Variants in JAKMIP1 observed in about 807,000 individuals in gnomAD.
JAKMIP1 encodes the protein janus kinase and microtubule-interacting protein 1.
JAKMIP1 carries 33 observed loss-of-function variants against 113.0 expected under a neutral mutation model. That is an observed-to-expected ratio of 0.29 (90% CI 0.22 to 0.39). The LOEUF is 0.39. Among genes scored for constraint, JAKMIP1 ranks in the 10% least tolerant of loss-of-function variants. The pLI is 1.00. For synonymous variants in JAKMIP1, 480 were observed against 459.9 expected, an observed-to-expected ratio of 1.04 and a Z score of -0.56; for missense variants, 813 against 1,080.5, an observed-to-expected ratio of 0.75 and a Z score of 3.47.
intron 2 of JAKMIP1, among the ~76,000 whole-genome samples, chr4:6,109,197 A>G (rs979298858): frequency 1.5e-5 from 2 of 135,182 alleles, no homozygotes; most frequent in African/African-American, 5.8e-5. Context: ...CAGTGGCACG[A>G]TCTTGGCTCA....
chr4:6,090,826 A>C (rs906974432), intron 3 of JAKMIP1, among the ~76,000 whole-genome samples: 1 of 151,572 alleles, frequency 6.6e-6, no homozygotes, highest in African/African-American at 2.4e-5. Context: ...AACCACCTTA[A>C]ACTAGAACAT....
At chr4:6,084,191 C>G (rs1398941138) in intron 5 of JAKMIP1, among the ~76,000 whole-genome samples, 1 of 151,950 alleles carries the variant, frequency 6.6e-6, no homozygotes, top group African/African-American at 2.4e-5. Flanking sequence ...GTGGCACATG[C>G]CTGTAATCCC....
Position 6,059,457 on chromosome 4 carries a change from C to G in JAKMIP1, c.1644+967G>C, listed in dbSNP as rs1371926624. 6.6e-6 allele frequency among the ~76,000 whole-genome samples: 1 copy of G among 152,180 alleles called. No individual in the cohort carries two copies. Among genetic ancestry groups the G allele is most frequent in the East Asian group, 1.9e-4 (1 of 5,182 alleles). On this transcript the variant is annotated intron_variant, in intron 11 of 20. Transcript: ENST00000409021. This position sits in a 1 kb window ranked among gnomAD's most constrained non-coding sequence, Gnocchi z 4.8. ...CTCCTCCCACTGTATCCCACCAGGCCTAGGAACTGTGGTAGACCTTGCCTG... is the reference window on the plus strand; with the variant it reads ...CTCCTCCCACTGTATCCCACCAGGCGTAGGAACTGTGGTAGACCTTGCCTG...
At chr4:6,058,604 G>T (rs892428023) in intron 11 of JAKMIP1, among the ~76,000 whole-genome samples, 1 of 152,174 alleles carries the variant, frequency 6.6e-6, no homozygotes, top group African/African-American at 2.4e-5. Flanking sequence ...AGACTGGGAG[G>T]TCCAGTTCCA....
chr4:6,189,704 G>A (rs568732812), intron 1 of JAKMIP1, among the ~76,000 whole-genome samples: 1 of 152,322 alleles, frequency 6.6e-6, no homozygotes, highest in East Asian at 1.9e-4. Flanking sequence ...TAGGGCAGAG[G>A]GTGGCGTAGG....
At chr4:6,082,124 A>G (rs1022268542) in intron 5 of JAKMIP1, among the ~76,000 whole-genome samples, 12 of 152,118 alleles carry the variant, frequency 7.9e-5, no homozygotes, top group African/African-American at 9.7e-5. Flanking sequence ...CGCATTTTAT[A>G]GACAAAGAAC....
intron 1 of JAKMIP1, 105 bp from the exon 2 acceptor site, chr4:6,113,102 C>T (rs2108891009): frequency 1.9e-6 from 1 of 517,922 alleles, no homozygotes; most frequent in Non-Finnish European, 3.4e-6. Flanking sequence ...TGGAGCATGA[C>T]CTGCCACTCC....
At chr4:6,029,692 A>T (rs1230042638) in intron 20 of JAKMIP1, 24 bp downstream of exon 20, 1 of 1,526,796 alleles carries the variant, frequency 6.5e-7, no homozygotes, top group African/African-American at 1.4e-5. Flanking sequence ...AAACCTGGGG[A>T]CAGTCTGAGC....
At chr4:6,177,081 T>C (rs1013543627) in intron 1 of JAKMIP1, among the ~76,000 whole-genome samples, 6 of 152,182 alleles carry the variant, frequency 3.9e-5, no homozygotes, top group African/African-American at 1.4e-4. Context: ...CTTGTTGTCA[T>C]GAGCAGTGAC....
At chr4:6,170,089 C>T (rs200606135) in intron 1 of JAKMIP1, among the ~76,000 whole-genome samples, 84 of 1,490 alleles carry the variant, frequency 0.056, 1 homozygote, top group East Asian at 0.37. Context: ...CCACCACCAC[C>T]GCCACGATCC....
At chr4:6,054,873 G>A in intron 12 of JAKMIP1, 2 of 456,630 alleles carry the variant, frequency 4.4e-6, no homozygotes, top group South Asian at 1.5e-5. Flanking sequence ...GCTAGAGGGG[G>A]GCCCTCTGCC....
chr4:6,063,848 G>T (rs749163553), intron 9 of JAKMIP1, among the ~76,000 whole-genome samples: 2 of 152,260 alleles, frequency 1.3e-5, no homozygotes, highest in Non-Finnish European at 2.9e-5. Context: ...GGGATGTGGG[G>T]GCGCAAGGAG....
At chr4:6,041,699 G>T (rs1714333999) in intron 17 of JAKMIP1, among the ~76,000 whole-genome samples, 1 of 152,212 alleles carries the variant, frequency 6.6e-6, no homozygotes, top group South Asian at 2.1e-4. Flanking sequence ...ATTCATCAAT[G>T]AGAAAACTAA....
At position 6,116,217 on chromosome 4, in the gene JAKMIP1, G is replaced by A. The variant is rs1578279544; in HGVS notation, c.-147-3220C>T. ...ACTGTTGATAGTCCCGACGCTCACA[G>A]CACCACACAGCATCACTGTAATCAG... On this transcript the variant is annotated intron_variant, in intron 1 of 20. Coordinates refer to ENST00000409021, the MANE Select transcript of JAKMIP1 (RefSeq NM_001099433.2). The surrounding 1 kb of genome is among the most constrained non-coding windows in gnomAD (Gnocchi z 5.1). 6.6e-6 allele frequency among the ~76,000 whole-genome samples: 1 copy of A among 152,228 alleles called. No individual in the cohort carries two copies. Among genetic ancestry groups the A allele is most frequent in the East Asian group, 1.9e-4 (1 of 5,164 alleles).
rs1712632927 is a variant in JAKMIP1 at position 6,031,396 on chromosome 4, G to A, written c.2380-1615C>T. Among the ~76,000 whole-genome samples, 1 of 152,190 alleles carries A rather than the reference G, an allele frequency of 6.6e-6. No homozygotes were observed. The highest frequency in any genetic ancestry group is 6.5e-5 in the Admixed American group (1 of 15,274). On this transcript the variant is annotated intron_variant, in intron 19 of 20. Coordinates refer to ENST00000409021, the MANE Select transcript of JAKMIP1 (RefSeq NM_001099433.2). This position sits in a 1 kb window ranked among gnomAD's most constrained non-coding sequence, Gnocchi z 4.4. ...CGCGCCATTGCACTCCAGCCTGGGT[G>A]ACACAGAGAGACTCCATCTCAATAA...
chr4:6,036,201 G>A (rs940480331), intron 18 of JAKMIP1, 94 bp from the exon 19 acceptor site: 4 of 1,008,624 alleles, frequency 4.0e-6, no homozygotes, highest in Admixed American at 5.0e-5. Context: ...GAGCCAGGGA[G>A]GGGGGTTTCG....
intron 2 of JAKMIP1, among the ~76,000 whole-genome samples, chr4:6,107,529 A>G (rs1182095367): frequency 6.6e-6 from 1 of 152,164 alleles, no homozygotes; most frequent in Admixed American, 6.5e-5. Context: ...GCCTTCCACA[A>G]TGTAGGTGGG....
At position 6,069,993 on chromosome 4, in the gene JAKMIP1, G is replaced by A. The variant is rs760618028; in HGVS notation, c.1303-4985C>T. The A allele has an allele frequency of 2.3e-4, 92 of 398,002 alleles. No homozygotes were observed. Among genetic ancestry groups the A allele is most frequent in the South Asian group, 6.4e-4 (5 of 7,766 alleles). The allele number at this position is 398,002 out of a possible 1,614,324, so 24.7% of individuals were successfully genotyped here. On this transcript the variant is annotated intron_variant, in intron 8 of 20. Transcript: ENST00000409021. The surrounding 1 kb of genome is among the most constrained non-coding windows in gnomAD (Gnocchi z 4.5). ...GCCACCTGTCACAGGCAGGAGCATC[G>A]GTCGGCCACAGCCAGGGACCGCCAG...
Position 6,081,725 on chromosome 4 carries a change from G to C in JAKMIP1, c.985C>G (p.Leu329Val), listed in dbSNP as rs200686241. Reference protein sequence around the residue: ...LKRSRETEVQLKPLVEKNKRM... With the variant: ...LKRSRETEVQVKPLVEKNKRM... The stretch of plus-strand genomic sequence containing the variant: ...TTGTTCTTCTCCACCAGGGGCTTCA[G>C]CTGAACCTCGGTCTCTCGTGAGCGT... Residue 329 changes from leucine to valine, a missense_variant, in exon 6 of 21, where the codon CTG (leucine) becomes GTG (valine). Leu to Val is a conservative substitution (Grantham distance 32). This residue lies in a region of JAKMIP1 where 540 missense variants were observed against 653.9 expected (regional missense o/e 0.83). Transcript: ENST00000409021. This position sits in a 1 kb window ranked among gnomAD's most constrained non-coding sequence, Gnocchi z 4.6. 8 of 1,614,070 alleles carry C rather than the reference G, an allele frequency of 5.0e-6. No homozygotes were observed. The highest frequency in any genetic ancestry group is 1.3e-5 in the African/African-American group (1 of 74,922).
Sources: allele counts gnomAD v4.1 joint callset (sites outside exome capture counted in the v4.1 genomes callset), GRCh38; gene constraint gnomAD v4.1.1; regional missense constraint gnomAD v4.1.1; non-coding constraint Gnocchi (gnomAD v3.1); transcripts MANE v1.5; gene names NCBI Gene and HGNC (gene_info 2026-07-23, HGNC 2026-07-21).